Variants in TMEM131 observed in about 807,000 individuals in gnomAD.
TMEM131 encodes the protein transmembrane protein 131.
A neutral mutation model predicts 211.6 loss-of-function variants in TMEM131; 66 were observed. That is an observed-to-expected ratio of 0.31 (90% CI 0.26 to 0.38). The LOEUF (loss-of-function observed/expected upper bound fraction) is 0.38, where lower values mean the gene tolerates loss of function less well. TMEM131 is among the 10% of genes least tolerant of loss of function. The probability of loss-of-function intolerance (pLI) is 1.00; values close to 1 mark genes in which losing one functional copy is unlikely to be tolerated. For missense variants in TMEM131, 2,036 were observed against 2,299.3 expected (o/e 0.89, Z 2.34); for synonymous variants, 844 against 841.3 (o/e 1.00, Z -0.06).
intron 1 of TMEM131, among the ~76,000 whole-genome samples, chr2:97,972,293 TC>T: frequency 6.6e-6 from 1 of 151,496 alleles, no homozygotes; most frequent in African/African-American, 2.4e-5. Flanking sequence ...GAATAATCAG[TC>T]CAAAACTGAA....
At chr2:97,906,865 G>A (rs1676092683) in intron 3 of TMEM131, among the ~76,000 whole-genome samples, 1 of 152,120 alleles carries the variant, frequency 6.6e-6, no homozygotes, top group African/African-American at 2.4e-5. Context: ...ATCATAAAAT[G>A]GTTATTTTAT....
intron 1 of TMEM131, among the ~76,000 whole-genome samples, chr2:97,978,081 G>A (rs967347976): frequency 3.3e-5 from 5 of 151,908 alleles, no homozygotes; most frequent in Non-Finnish European, 7.4e-5. Context: ...AGCAAGACTC[G>A]GTCTTGGGGA....
chr2:97,929,373 G>A (rs948941320), intron 1 of TMEM131, among the ~76,000 whole-genome samples: 1 of 151,642 alleles, frequency 6.6e-6, no homozygotes, highest in Admixed American at 6.6e-5. Flanking sequence ...GGAGAAAAGG[G>A]ACAACTTTCA....
chr2:97,883,870 C>A (rs1343603708), intron 4 of TMEM131, among the ~76,000 whole-genome samples: 3 of 152,058 alleles, frequency 2.0e-5, no homozygotes, highest in Admixed American at 1.3e-4. Flanking sequence ...TGTAACTCAA[C>A]AAATAAATAC....
At position 97,814,305 on chromosome 2, in the gene TMEM131, G is replaced by T; in HGVS notation, c.1376C>A (p.Thr459Asn). The change falls in exon 14 of 41, where the codon ACT (threonine) becomes AAT (asparagine). Residue 459 changes from threonine to asparagine, a missense_variant. Physicochemically the swap from Thr to Asn is moderately conservative, Grantham distance 65. Transcript: ENST00000186436. ...ADPVERPIYL[T>N]NTFSFAILIH... ...GAGGATCGCAAAACTGAAAGTGTTA[G>T]TAAGGTAAATTGGCCTTTCCACAGG... is the stretch of plus-strand genomic sequence containing the variant. The T allele has an allele frequency of 5.0e-6, 8 of 1,613,890 alleles. No homozygotes were observed. The highest frequency in any genetic ancestry group is 1.3e-5 in the African/African-American group (1 of 75,012).
chr2:97,771,922 C>A (rs1679486742), intron 33 of TMEM131, among the ~76,000 whole-genome samples: 1 of 152,224 alleles, frequency 6.6e-6, no homozygotes, highest in African/African-American at 2.4e-5. Context: ...ATTCGACAGA[C>A]TCAGAGATCT....
intron 19 of TMEM131, among the ~76,000 whole-genome samples, chr2:97,808,579 T>C (rs1185051497): frequency 2.6e-5 from 4 of 152,190 alleles, no homozygotes; most frequent in African/African-American, 4.8e-5. Context: ...GTTCAAATGA[T>C]TCACCTGCAA....
chr2:97,916,635 GA>G (rs1415059000), intron 2 of TMEM131, among the ~76,000 whole-genome samples: 1 of 152,180 alleles, frequency 6.6e-6, no homozygotes, highest in African/African-American at 2.4e-5. Context: ...TTTGCAGAGA[GA>G]AAAATAACTG....
chr2:97,873,831 C>T (rs564256034), intron 4 of TMEM131, among the ~76,000 whole-genome samples: 2 of 152,318 alleles, frequency 1.3e-5, no homozygotes, highest in East Asian at 1.9e-4. Flanking sequence ...AAGATCACAA[C>T]TCCTCGCCAG....
At chr2:97,863,266 T>C (rs1573475371) in intron 4 of TMEM131, among the ~76,000 whole-genome samples, 1 of 152,128 alleles carries the variant, frequency 6.6e-6, no homozygotes, top group Non-Finnish European at 1.5e-5. Context: ...TTACAAGAAA[T>C]GCTAATGGGA....
chr2:97,987,500 TCAAAAAAA>T (rs755454792), intron 1 of TMEM131, among the ~76,000 whole-genome samples: 22 of 151,918 alleles, frequency 1.4e-4, no homozygotes, highest in East Asian at 3.9e-4. Flanking sequence ...AGTCTCTGTC[TCAAAAAAA>T]CAAAAAAACA....
Position 97,766,095 on chromosome 2 carries a change from T to TA in TMEM131, c.4723+18_4723+19insT. The TA allele has an allele frequency of 1.2e-6, 2 of 1,613,198 alleles. No individual in the cohort carries two copies. The highest frequency in any genetic ancestry group is 1.7e-6 in the Non-Finnish European group (2 of 1,179,286). ...TGTGGGTAAGTGGAGCCCTGTGGTTTCTAAACTACTATACTTACAGCTGCC... is the reference window on the plus strand; with the variant it reads ...TGTGGGTAAGTGGAGCCCTGTGGTTTACTAAACTACTATACTTACAGCTGCC... On this transcript the variant is annotated intron_variant, in intron 35 of 40. Transcript: ENST00000186436.
chr2:97,830,856 G>T (rs1186043802), intron 11 of TMEM131, among the ~76,000 whole-genome samples: 5 of 152,172 alleles, frequency 3.3e-5, no homozygotes. Context: ...GAAAGAGAAT[G>T]AATTCCCTGA....
At position 97,839,945 on chromosome 2, in the gene TMEM131, T is replaced by C. The variant is rs1220762934; in HGVS notation, c.723+1870A>G. ...TTTGCTTCATTCATGTTTGAATTGTTAACATTTTTTTCCTGAGGAGAACAT... is the reference window on the plus strand; with the variant it reads ...TTTGCTTCATTCATGTTTGAATTGTCAACATTTTTTTCCTGAGGAGAACAT... On this transcript the variant is annotated intron_variant, in intron 7 of 40. Transcript: ENST00000186436. Among the ~76,000 whole-genome samples the C allele has an allele frequency of 2.0e-5, 3 of 152,352 alleles. No homozygotes were observed. The East Asian group carries it at 5.8e-4, about 29-fold the overall frequency.
chr2:97,881,707 C>CAAAAA (rs1205367293), intron 4 of TMEM131, among the ~76,000 whole-genome samples: 1 of 55,348 alleles, frequency 1.8e-5, no homozygotes, highest in Non-Finnish European at 3.3e-5. Context: ...TGGATAACTG[C>CAAAAA]AAAAAAAAAA....
intron 31 of TMEM131, among the ~76,000 whole-genome samples, chr2:97,787,499 G>A (rs919844181): frequency 1.3e-5 from 2 of 152,248 alleles, no homozygotes; most frequent in African/African-American, 2.4e-5. Flanking sequence ...CTTCAGGGGT[G>A]CTGGCATCAC....
chr2:97,834,458 C>G (rs987746758), intron 10 of TMEM131, among the ~76,000 whole-genome samples, 163 bp downstream of exon 10: 1 of 152,016 alleles, frequency 6.6e-6, no homozygotes, highest in Non-Finnish European at 1.5e-5. Flanking sequence ...GGGGTATAAA[C>G]CTGTAAAGGC....
At chr2:97,809,661 G>C (rs1287418442) in intron 19 of TMEM131, 27 bp downstream of exon 19, 3 of 1,572,722 alleles carry the variant, frequency 1.9e-6, no homozygotes, top group East Asian at 4.5e-5. Context: ...ACGAGCAATA[G>C]AAAAATGTGT....
intron 2 of TMEM131, among the ~76,000 whole-genome samples, chr2:97,922,291 G>T (rs1390122146): frequency 1.3e-5 from 2 of 152,106 alleles, no homozygotes; most frequent in Non-Finnish European, 2.9e-5. Context: ...CTGCTGTGCA[G>T]CCCTGTTCCT....
Sources: gnomAD v4.1 joint callset for allele counts (sites outside exome capture counted in the v4.1 genomes callset) on GRCh38, gnomAD v4.1.1 for gene constraint, MANE v1.5 for transcripts, NCBI Gene and HGNC (gene_info 2026-07-23, HGNC 2026-07-21) for gene names.